ZDHHC15: variants seen among roughly 807,000 people sequenced by gnomAD.
The protein encoded by ZDHHC15 is palmitoyltransferase ZDHHC15.
ZDHHC15 carries 19 observed loss-of-function variants against 31.7 expected under a neutral mutation model. The ratio of observed to expected loss-of-function variants is 0.60; its 90% CI spans 0.42 to 0.88. The LOEUF (loss-of-function observed/expected upper bound fraction) is 0.88. Ranked by LOEUF, ZDHHC15 falls within the 40% of genes least tolerant of loss-of-function variation. The pLI, the probability that ZDHHC15 is intolerant of heterozygous loss-of-function variation, is 0.00. For missense variants in ZDHHC15, 209 were observed against 251.2 expected (o/e 0.83, Z 1.14); for synonymous variants, 103 against 90.0 (o/e 1.14, Z -0.82).
intron 3 of ZDHHC15, among the ~76,000 whole-genome samples, chrX:75,468,576 A>T (rs1044319831): frequency 9.0e-6 from 1 of 111,687 alleles, no homozygotes; most frequent in Non-Finnish European, 1.9e-5. Flanking sequence ...TATTTTGGGT[A>T]TGTATCTAGG....
chrX:75,401,255 CA>C (rs59465325), intron 10 of ZDHHC15, among the ~76,000 whole-genome samples: 8,747 of 82,550 alleles, frequency 0.11, 616 homozygotes, highest in African/African-American at 0.27. Flanking sequence ...GTGCTGTTTC[CA>C]AAAAAAAAAA....
intron 8 of ZDHHC15, among the ~76,000 whole-genome samples, chrX:75,422,834 T>C (rs1204573587): frequency 1.8e-5 from 2 of 109,724 alleles, no homozygotes; most frequent in African/African-American, 3.3e-5. Context: ...CTTTAAGTTT[T>C]AGGGTACATG....
At chrX:75,424,069 A>T (rs774871314) in intron 8 of ZDHHC15, among the ~76,000 whole-genome samples, 2 of 111,440 alleles carry the variant, frequency 1.8e-5, no homozygotes, top group East Asian at 5.7e-4. Flanking sequence ...AAATATGTTC[A>T]TTTATTTTAC....
intron 2 of ZDHHC15, among the ~76,000 whole-genome samples, chrX:75,490,058 C>T (rs1038493100): frequency 3.3e-4 from 37 of 111,228 alleles, no homozygotes; most frequent in African/African-American, 8.5e-4. Flanking sequence ...ATAAAAGAAA[C>T]GAACAAAGCC....
chrX:75,497,267 C>A (rs775665775), intron 2 of ZDHHC15, among the ~76,000 whole-genome samples: 4 of 111,610 alleles, frequency 3.6e-5, no homozygotes, highest in African/African-American at 1.3e-4. Flanking sequence ...AATATTCAAG[C>A]TTCCTAGATT....
intron 2 of ZDHHC15, among the ~76,000 whole-genome samples, chrX:75,503,242 T>A (rs1294230410): frequency 9.0e-6 from 1 of 111,175 alleles, no homozygotes; most frequent in Admixed American, 9.7e-5. Flanking sequence ...GCTTTAGTCC[T>A]TTCTGTGCAG....
Position 75,379,158 on chromosome X carries a change from T to C in ZDHHC15, c.1008A>G (p.Glu336=), listed in dbSNP as rs144128364. 726 of 1,209,708 alleles carry C rather than the reference T, an allele frequency of 6.0e-4. 1 individual carries two copies. Among genetic ancestry groups the C allele is most frequent in the Non-Finnish European group, 7.7e-4 (688 of 894,860 alleles). Residue 336 remains glutamate (E), a synonymous_variant, in exon 11 of 12, where the codon GAA becomes GAG. Coordinates refer to ENST00000373367, the MANE Select transcript of ZDHHC15 (RefSeq NM_144969.3). ...EGSSSLAVET[E]T Reference sequence around the variant, plus strand: ...GCAGGAAATGTGAAAACTGCTATGTTTCCGTTTCCACAGCAAGAGATGATG... The same window carrying C: ...GCAGGAAATGTGAAAACTGCTATGTCTCCGTTTCCACAGCAAGAGATGATG...
intron 9 of ZDHHC15, among the ~76,000 whole-genome samples, chrX:75,418,639 C>A (rs1462753348): frequency 8.9e-6 from 1 of 111,828 alleles, no homozygotes; most frequent in African/African-American, 3.3e-5. Context: ...TGGAACAGAA[C>A]AGAGGCCTCA....
chrX:75,470,695 G>A lies in ZDHHC15; in HGVS notation c.258+8196C>T, dbSNP rs896939060. On this transcript the variant is annotated intron_variant, in intron 3 of 11. Transcript: ENST00000373367. ...AGTTTTAGCTCAGGTCTGATTTACA[G>A]TGTCTGGTGTCCAGTGGGTCCCCGG... is the stretch of plus-strand genomic sequence containing the variant. Among the ~76,000 whole-genome samples the A allele has an allele frequency of 2.7e-5, 3 of 111,352 alleles. No homozygotes were observed. In the Admixed American group the frequency reaches 2.9e-4, roughly 11 times the overall value.
chrX:75,449,197 TCTATACACACACACACACACACACAC>T (rs1411757583), intron 4 of ZDHHC15, among the ~76,000 whole-genome samples: 44 of 36,087 alleles, frequency 1.2e-3, no homozygotes, highest in South Asian at 0.011. Context: ...TCTCTCTCTC[TCTATACACACACACACACACACACAC>T]ACACACACAC....
chrX:75,472,088 C>T (rs190100143), intron 3 of ZDHHC15, among the ~76,000 whole-genome samples: 121 of 111,711 alleles, frequency 1.1e-3, no homozygotes, highest in Non-Finnish European at 2.0e-3. Context: ...GTGGTATATA[C>T]GTGATCATGC....
intron 3 of ZDHHC15, among the ~76,000 whole-genome samples, chrX:75,474,781 G>A (rs1251838854): frequency 9.0e-6 from 1 of 110,513 alleles, no homozygotes; most frequent in Non-Finnish European, 1.9e-5. Flanking sequence ...GAGTTGGCCG[G>A]GCGCGGTGGC....
At chrX:75,411,717 ATTCT>A (rs2083487702) in intron 10 of ZDHHC15, among the ~76,000 whole-genome samples, 1 of 111,807 alleles carries the variant, frequency 8.9e-6, no homozygotes, top group Non-Finnish European at 1.9e-5. Flanking sequence ...GAGTTCCTAG[ATTCT>A]TTGTGTTAAT....
chrX:75,377,322 C>A (rs1303573435), intron 11 of ZDHHC15, among the ~76,000 whole-genome samples: 1 of 109,722 alleles, frequency 9.1e-6, no homozygotes, highest in Non-Finnish European at 1.9e-5. Flanking sequence ...CAGGGAGAAA[C>A]CCCATCTCTA....
intron 2 of ZDHHC15, among the ~76,000 whole-genome samples, chrX:75,483,081 GTA>G (rs4019298): frequency 0.27 from 26,086 of 97,111 alleles, 6,386 homozygotes; most frequent in East Asian, 0.83. Flanking sequence ...ATGTGTATGT[GTA>G]TATATATATA....
intron 1 of ZDHHC15, among the ~76,000 whole-genome samples, chrX:75,515,447 G>C (rs752181760): frequency 8.1e-5 from 9 of 111,019 alleles, no homozygotes; most frequent in Non-Finnish European, 1.5e-4. Context: ...ATCAATAAAC[G>C]TAGTCCATCA....
In ZDHHC15 at chrX:75,450,869, C is replaced by A. The variant is rs769689147; in HGVS notation, c.312G>T (p.Glu104Asp). Reference protein sequence around the residue: ...KERYENEERPEVQKQMLVDMA... With the variant: ...KERYENEERPDVQKQMLVDMA... ...TATCAACAAGCATCTGCTTCTGGAC[C>A]TCAGGTCTTTCTTCATTTTCATAGC... Residue 104 changes from glutamate to aspartate, a missense_variant, in exon 4 of 12, where the codon GAG (glutamate) becomes GAT (aspartate). Coordinates refer to ENST00000373367, the MANE Select transcript of ZDHHC15 (RefSeq NM_144969.3). 1 of 1,210,832 alleles carries A rather than the reference C, an allele frequency of 8.3e-7. No individual in the cohort carries two copies. The highest frequency in any genetic ancestry group is 3.0e-5 in the East Asian group (1 of 33,827).
intron 2 of ZDHHC15, among the ~76,000 whole-genome samples, chrX:75,494,096 A>C (rs1254224173): frequency 8.9e-6 from 1 of 111,926 alleles, no homozygotes; most frequent in Non-Finnish European, 1.9e-5. Flanking sequence ...CTCAGGATAC[A>C]AAATCAATGT....
intron 4 of ZDHHC15, among the ~76,000 whole-genome samples, chrX:75,448,671 G>A (rs2084067095): frequency 9.0e-6 from 1 of 111,571 alleles, no homozygotes; most frequent in Non-Finnish European, 1.9e-5. Flanking sequence ...CATGATATTT[G>A]TATCATGTTA....
Sources: gnomAD v4.1 joint callset for allele counts (sites outside exome capture counted in the v4.1 genomes callset) on GRCh38, gnomAD v4.1.1 for gene constraint, MANE v1.5 for transcripts, NCBI Gene and HGNC (gene_info 2026-07-23, HGNC 2026-07-21) for gene names.